The following KCNH1 variants were observed in gnomAD, a reference collection of about 807,000 sequenced individuals.
The protein encoded by KCNH1 is voltage-gated delayed rectifier potassium channel KCNH1.
KCNH1 carries 27 observed loss-of-function variants against 69.2 expected under a neutral mutation model. The ratio of observed to expected loss-of-function variants is 0.39; its 90% confidence interval spans 0.29 to 0.54. The LOEUF (loss-of-function observed/expected upper bound fraction) is 0.54, where lower values mean the gene tolerates loss of function less well. KCNH1 is among the 20% of genes least tolerant of loss of function. The probability of loss-of-function intolerance (pLI) is 0.68; values close to 1 mark genes in which losing one functional copy is unlikely to be tolerated. For synonymous variants in KCNH1, 456 were observed against 487.7 expected (o/e 0.93, Z 0.86); for missense variants, 798 against 1,261.6 (o/e 0.63, Z 5.57).
intron 10 of KCNH1, among the ~76,000 whole-genome samples, chr1:210,765,592 T>C (rs1683612576): frequency 6.6e-6 from 1 of 152,192 alleles, no homozygotes; most frequent in South Asian, 2.1e-4. Flanking sequence ...GGATGGTTAT[T>C]ATATTTTATG....
intron 5 of KCNH1, among the ~76,000 whole-genome samples, chr1:211,070,018 A>G (rs907811478): frequency 2.0e-5 from 3 of 152,252 alleles, no homozygotes; most frequent in Admixed American, 2.0e-4. Flanking sequence ...AGGAAAAGTA[A>G]GACAAGAACA....
chr1:210,728,534 T>C (rs1273973548), intron 10 of KCNH1, among the ~76,000 whole-genome samples: 3 of 152,188 alleles, frequency 2.0e-5, no homozygotes, highest in African/African-American at 7.2e-5. Context: ...CTTAAATAAA[T>C]TTCTCTCTGG....
At chr1:210,856,653 A>G (rs1434181946) in intron 7 of KCNH1, among the ~76,000 whole-genome samples, 1 of 150,982 alleles carries the variant, frequency 6.6e-6, no homozygotes, top group Non-Finnish European at 1.5e-5. Flanking sequence ...ACCACCAGAG[A>G]GTACCCCCTC....
intron 9 of KCNH1, among the ~76,000 whole-genome samples, chr1:210,785,595 C>A (rs1227128183): frequency 6.6e-6 from 1 of 152,036 alleles, no homozygotes; most frequent in East Asian, 1.9e-4. Flanking sequence ...CTGTGTTGAC[C>A]AAGCTGGTCT....
intron 5 of KCNH1, among the ~76,000 whole-genome samples, chr1:211,035,233 ATTCTTT>A (rs1689872877): frequency 1.9e-5 from 2 of 104,784 alleles, no homozygotes; most frequent in African/African-American, 3.8e-5. Context: ...GGGTACTGGC[ATTCTTT>A]TTTTTTTTTT....
chr1:210,850,046 A>T (rs866125025), intron 7 of KCNH1, among the ~76,000 whole-genome samples: 2 of 152,226 alleles, frequency 1.3e-5, no homozygotes, highest in Non-Finnish European at 2.9e-5. Flanking sequence ...TTCGTGACCA[A>T]AATTATCATG....
intron 4 of KCNH1, among the ~76,000 whole-genome samples, chr1:211,087,468 A>G (rs1278339091): frequency 1.3e-5 from 2 of 152,106 alleles, no homozygotes; most frequent in Non-Finnish European, 2.9e-5. Flanking sequence ...ACGCAACAGA[A>G]ACATATCCCA....
At chr1:210,879,993 T>C (rs1222521011) in intron 7 of KCNH1, among the ~76,000 whole-genome samples, 3 of 152,140 alleles carry the variant, frequency 2.0e-5, no homozygotes, top group African/African-American at 7.2e-5. Flanking sequence ...TCACTTACAT[T>C]AGCACCCCTA....
At chr1:210,920,651 T>A (rs1293714272) in intron 6 of KCNH1, among the ~76,000 whole-genome samples, 6 of 140,516 alleles carry the variant, frequency 4.3e-5, no homozygotes, top group African/African-American at 1.6e-4. Flanking sequence ...CTATATTACT[T>A]TTATAATTAA....
At chr1:210,938,302 T>C (rs1296459318) in intron 6 of KCNH1, among the ~76,000 whole-genome samples, 1 of 152,226 alleles carries the variant, frequency 6.6e-6, no homozygotes, top group Non-Finnish European at 1.5e-5. Context: ...TATTTTCTTA[T>C]CTATACATAT....
At chr1:210,734,760 T>C (rs961881644) in intron 10 of KCNH1, among the ~76,000 whole-genome samples, 2 of 151,986 alleles carry the variant, frequency 1.3e-5, no homozygotes, top group African/African-American at 4.8e-5. Flanking sequence ...TGGGGCTTCC[T>C]AGGGCCTGGA....
chr1:211,045,567 G>A (rs1262039730), intron 5 of KCNH1, among the ~76,000 whole-genome samples: 3 of 152,060 alleles, frequency 2.0e-5, no homozygotes, highest in Admixed American at 1.3e-4. Context: ...CCTATTTAAT[G>A]TATACAACTT....
At chr1:211,044,411 G>A (rs535672088) in intron 5 of KCNH1, among the ~76,000 whole-genome samples, 1 of 152,210 alleles carries the variant, frequency 6.6e-6, no homozygotes, top group African/African-American at 2.4e-5. Flanking sequence ...ATAAATAGCT[G>A]GGACTTAATT....
intron 6 of KCNH1, among the ~76,000 whole-genome samples, chr1:210,976,331 C>A (rs1159481550): frequency 1.4e-5 from 2 of 147,368 alleles, no homozygotes; most frequent in African/African-American, 4.9e-5. Context: ...TTCACAATAG[C>A]AAAGACTTGG....
intron 7 of KCNH1, among the ~76,000 whole-genome samples, chr1:210,837,189 C>T (rs1369591645): frequency 6.6e-6 from 1 of 152,162 alleles, no homozygotes; most frequent in Admixed American, 6.6e-5. Context: ...TCTCAGTCTG[C>T]AGTCTGGCTA....
In KCNH1 at chr1:211,004,629, A is replaced by G. The variant is rs182603880; in HGVS notation, c.1032+14154T>C. 2.0e-3 allele frequency among the ~76,000 whole-genome samples: 312 copies of G among 152,288 alleles called. 2 individuals are homozygous for G. Among genetic ancestry groups the G allele is most frequent in the Middle Eastern group, 3.4e-3 (1 of 294 alleles). ...GTGAAACAACTAAGAGCAAATAGCA[A>G]GACAGAAGATAGAAACTAAGATATC... On this transcript the variant is annotated intron_variant, in intron 6 of 10. Coordinates refer to ENST00000271751, the MANE Select transcript of KCNH1 (RefSeq NM_172362.3).
At chr1:210,849,059 G>A (rs1294577632) in intron 7 of KCNH1, among the ~76,000 whole-genome samples, 1 of 152,154 alleles carries the variant, frequency 6.6e-6, no homozygotes, top group Admixed American at 6.5e-5. Context: ...CTAGATAGAA[G>A]GATATCAACT....
At chr1:210,872,063 TA>T (rs1015294813) in intron 7 of KCNH1, among the ~76,000 whole-genome samples, 9 of 112,588 alleles carry the variant, frequency 8.0e-5, no homozygotes, top group Admixed American at 2.9e-4. Context: ...AATAATAAAT[TA>T]AAAAAAACAA....
intron 10 of KCNH1, among the ~76,000 whole-genome samples, chr1:210,768,583 G>T (rs1309261334): frequency 6.6e-6 from 1 of 152,204 alleles, no homozygotes; most frequent in Admixed American, 6.5e-5. Flanking sequence ...ACCATTTGGG[G>T]TAGGCGATGT....
Sources: allele counts gnomAD v4.1 joint callset (sites outside exome capture counted in the v4.1 genomes callset), GRCh38; gene constraint gnomAD v4.1.1; transcripts MANE v1.5; gene names NCBI Gene and HGNC (gene_info 2026-07-23, HGNC 2026-07-21).